GPHN: variants seen among roughly 807,000 people sequenced by gnomAD.
GPHN encodes the protein gephyrin.
A neutral mutation model predicts 95.5 loss-of-function variants in GPHN; 17 were observed. The observed-to-expected ratio is 0.18, with a 90% CI of 0.12 to 0.27. GPHN has a LOEUF of 0.27. Ranked by LOEUF, GPHN falls within the 10% of genes least tolerant of loss-of-function variation. GPHN has a pLI of 1.00. For synonymous variants in GPHN, 320 were observed against 322.5 expected (o/e 0.99, Z 0.08); for missense variants, 660 against 978.1 (o/e 0.67, Z 4.34).
At chr14:66,830,171 A>G (rs2061533801) in intron 4 of GPHN, among the ~76,000 whole-genome samples, 1 of 152,112 alleles carries the variant, frequency 6.6e-6, no homozygotes, top group African/African-American at 2.4e-5. Flanking sequence ...GGCCTTTTGG[A>G]TGACAACAAG....
chr14:67,025,648 A>G (rs1240562574), intron 10 of GPHN, among the ~76,000 whole-genome samples: 1 of 152,226 alleles, frequency 6.6e-6, no homozygotes, highest in Non-Finnish European at 1.5e-5. Context: ...AAGTACTTCC[A>G]TAAGAAATTC....
the GPHN span, chr14:67,383,257 A>C: frequency 5.7e-6 from 9 of 1,568,576 alleles, no homozygotes; most frequent in African/African-American, 1.2e-4. Context: ...ATAGTATTGA[A>C]ATTAAATTTG....
chr14:66,752,211 A>C (rs529287435), intron 2 of GPHN, among the ~76,000 whole-genome samples: 1 of 152,246 alleles, frequency 6.6e-6, no homozygotes, highest in African/African-American at 2.4e-5. Context: ...GACTTTCTCC[A>C]TATTAGCAAT....
the GPHN span, chr14:67,352,803 T>C: frequency 3.0e-6 from 2 of 666,186 alleles, no homozygotes; most frequent in Admixed American, 5.3e-5. Context: ...AAACTTATAA[T>C]GGTATTTTTA....
chr14:67,407,631 A>G, the GPHN span, among the ~76,000 whole-genome samples: 1 of 151,650 alleles, frequency 6.6e-6, no homozygotes, highest in Non-Finnish European at 1.5e-5. Flanking sequence ...TGTAGAGATG[A>G]GTTCTCATTT....
intron 2 of GPHN, among the ~76,000 whole-genome samples, chr14:66,725,368 T>C (rs565158893): frequency 1.3e-5 from 2 of 152,350 alleles, no homozygotes; most frequent in East Asian, 3.9e-4. Flanking sequence ...TCTAATCTTT[T>C]TTTCCCTTCA....
At chr14:67,026,543 T>G (rs979376963) in intron 10 of GPHN, among the ~76,000 whole-genome samples, 1 of 152,220 alleles carries the variant, frequency 6.6e-6, no homozygotes, top group Non-Finnish European at 1.5e-5. Context: ...AAATTAAAGA[T>G]TCCAGAGTTA....
At chr14:67,356,116 G>T in the GPHN span, among the ~76,000 whole-genome samples, 1 of 151,900 alleles carries the variant, frequency 6.6e-6, no homozygotes, top group African/African-American at 2.4e-5. Context: ...TTTTAAAATC[G>T]CATGTACTAA....
chr14:66,985,966 C>A (rs565065460), intron 9 of GPHN, among the ~76,000 whole-genome samples: 1 of 152,088 alleles, frequency 6.6e-6, no homozygotes, highest in East Asian at 1.9e-4. Context: ...TGAATGGCAC[C>A]ACAAACAACA....
chr14:66,774,254 G>A (rs1313645781), intron 2 of GPHN, among the ~76,000 whole-genome samples: 3 of 151,802 alleles, frequency 2.0e-5, no homozygotes, highest in African/African-American at 4.8e-5. Context: ...CGCCCGCCTC[G>A]GGCTCCCAAA....
intron 3 of GPHN, among the ~76,000 whole-genome samples, chr14:66,806,377 TG>T (rs907639451): frequency 2.6e-5 from 4 of 152,174 alleles, no homozygotes; most frequent in Non-Finnish European, 4.4e-5. Flanking sequence ...CCCATTTTCT[TG>T]GGGATTAACA....
the GPHN span, among the ~76,000 whole-genome samples, chr14:67,448,718 C>T: frequency 6.6e-6 from 1 of 152,112 alleles, no homozygotes; most frequent in African/African-American, 2.4e-5. Flanking sequence ...CAGTGTCACG[C>T]TCTCAGCATA....
At chr14:67,555,110 G>A in the GPHN span, among the ~76,000 whole-genome samples, 4 of 152,198 alleles carry the variant, frequency 2.6e-5, no homozygotes, top group African/African-American at 9.6e-5. Context: ...TAGAGATGAG[G>A]TCTTGATATG....
the GPHN span, among the ~76,000 whole-genome samples, chr14:67,674,047 T>C: frequency 6.6e-6 from 1 of 152,124 alleles, no homozygotes; most frequent in Non-Finnish European, 1.5e-5. Flanking sequence ...TTTAAATGCA[T>C]AAAACAAACA....
At chr14:67,252,763 A>T in the GPHN span, among the ~76,000 whole-genome samples, 18 of 152,180 alleles carry the variant, frequency 1.2e-4, no homozygotes, top group Non-Finnish European at 2.4e-4. Flanking sequence ...CTTGGTTTCA[A>T]TTTGTACTTT....
chr14:67,209,222 G>A, the GPHN span, among the ~76,000 whole-genome samples: 1 of 152,166 alleles, frequency 6.6e-6, no homozygotes, highest in Non-Finnish European at 1.5e-5. Flanking sequence ...ATATCTCATG[G>A]AGTGTTTTAT....
intron 21 of GPHN, among the ~76,000 whole-genome samples, chr14:67,174,352 T>A (rs1394338524): frequency 6.6e-6 from 1 of 152,068 alleles, no homozygotes; most frequent in African/African-American, 2.4e-5. Context: ...GTCCTTGTGC[T>A]AGTTTGCTGA....
chr14:67,208,487 C>T, the GPHN span: 14 of 1,584,562 alleles, frequency 8.8e-6, no homozygotes, highest in South Asian at 1.1e-4. Context: ...AATTCTAAGA[C>T]ATGAAATATT....
At chr14:67,690,698 G>A in the GPHN span, 1 of 437,270 alleles carries the variant, frequency 2.3e-6, no homozygotes, top group Non-Finnish European at 4.2e-6. Context: ...CTTAAGAGCT[G>A]GTTGGCTGGG....
Sources: gnomAD v4.1 joint callset for allele counts (sites outside exome capture counted in the v4.1 genomes callset) on GRCh38, gnomAD v4.1.1 for gene constraint, MANE v1.5 for transcripts, NCBI Gene and HGNC (gene_info 2026-07-23, HGNC 2026-07-21) for gene names.